The following FARS2 variants were observed in gnomAD, a reference collection of about 807,000 sequenced individuals.
FARS2 encodes phenylalanyl-tRNA synthetase 2, mitochondrial, also known as phenylalanine--tRNA ligase, mitochondrial.
In FARS2, 40 loss-of-function variants were observed where a neutral mutation model predicts 46.4. That is an observed-to-expected ratio of 0.86 (90% CI 0.67 to 1.12). FARS2 has a LOEUF of 1.12. Among genes scored for constraint, FARS2 ranks in the 50% most tolerant of loss-of-function variants. FARS2 has a pLI of 0.00. For missense variants in FARS2, 513 were observed against 567.9 expected (o/e 0.90, Z 0.98); for synonymous variants, 234 against 214.9 (o/e 1.09, Z -0.78).
At chr6:5,697,175 G>T (rs931476353) in intron 6 of FARS2, among the ~76,000 whole-genome samples, 1 of 151,882 alleles carries the variant, frequency 6.6e-6, no homozygotes, top group South Asian at 2.1e-4. Flanking sequence ...TTTTTAACAG[G>T]CTACAAATTT....
In FARS2 at chr6:5,717,935, T is replaced by TAGAGAGAGAGAGAGAGAGAGAGAG. The variant is rs546191530; in HGVS notation, c.1218-53355_1218-53354insGAGAGAGAGAGAGAGAGAGAGAGA. Among the ~76,000 whole-genome samples, 782 of 135,612 alleles carry TAGAGAGAGAGAGAGAGAGAGAGAG rather than the reference T, an allele frequency of 5.8e-3. 30 individuals carry two copies. The highest frequency in any genetic ancestry group is 0.022 in the African/African-American group (714 of 32,564). 89.0% of individuals were successfully genotyped at this position (135,612 alleles called of 152,430 possible). On this transcript the variant is annotated intron_variant, in intron 6 of 6. Transcript: ENST00000274680. ...ATATATATATATATATATATATATA[T>TAGAGAGAGAGAGAGAGAGAGAGAG]ACAGAGTCTCACTCTGTCGCCCAGG... is the stretch of plus-strand genomic sequence containing the variant.
intron 6 of FARS2, among the ~76,000 whole-genome samples, chr6:5,703,256 A>G (rs1447654709): frequency 1.3e-5 from 2 of 152,146 alleles, no homozygotes; most frequent in African/African-American, 2.4e-5. Context: ...AACAACTGGA[A>G]CCAAGCACAA....
chr6:5,387,538 A>G (rs17140358), intron 2 of FARS2, among the ~76,000 whole-genome samples: 27,134 of 152,210 alleles, frequency 0.18, 2,734 homozygotes, highest in East Asian at 0.42. Context: ...AGTGAGATAC[A>G]TGATTAGCAT....
intron 5 of FARS2, among the ~76,000 whole-genome samples, chr6:5,602,968 G>A (rs527854889): frequency 3.9e-5 from 6 of 152,244 alleles, no homozygotes; most frequent in South Asian, 2.1e-4. Flanking sequence ...ACAGTATGCT[G>A]TCTCCATTTT....
chr6:5,329,238 A>G (rs968467813), intron 1 of FARS2, among the ~76,000 whole-genome samples: 2 of 152,144 alleles, frequency 1.3e-5, no homozygotes, highest in Non-Finnish European at 2.9e-5. Flanking sequence ...TTTAAAGCTA[A>G]TGTAGCATAT....
chr6:5,546,157 C>T (rs1770972946), intron 5 of FARS2, among the ~76,000 whole-genome samples: 1 of 151,650 alleles, frequency 6.6e-6, no homozygotes, highest in Non-Finnish European at 1.5e-5. Flanking sequence ...AAATAGAGGT[C>T]CATAAACACA....
At chr6:5,325,784 A>G (rs1327439321) in intron 1 of FARS2, among the ~76,000 whole-genome samples, 1 of 152,212 alleles carries the variant, frequency 6.6e-6, no homozygotes, top group Non-Finnish European at 1.5e-5. Context: ...TGCAATATAT[A>G]TGATGGATAA....
At chr6:5,545,730 T>G (rs1217348809) in intron 5 of FARS2, among the ~76,000 whole-genome samples, 1 of 152,212 alleles carries the variant, frequency 6.6e-6, no homozygotes, top group Non-Finnish European at 1.5e-5. Context: ...TGTTTCTCTG[T>G]TAGTTTGCTG....
chr6:5,490,943 A>C (rs1561658865), intron 4 of FARS2, among the ~76,000 whole-genome samples: 1 of 152,364 alleles, frequency 6.6e-6, no homozygotes, highest in East Asian at 1.9e-4. Context: ...CTACTCAAGT[A>C]AACTGCTCTT....
chr6:5,728,547 A>T (rs1316838504), intron 6 of FARS2, among the ~76,000 whole-genome samples: 4 of 152,232 alleles, frequency 2.6e-5, no homozygotes, highest in Non-Finnish European at 5.9e-5. Context: ...GAACACACTC[A>T]CATGATTCTC....
At chr6:5,653,357 T>C (rs1409163885) in intron 6 of FARS2, among the ~76,000 whole-genome samples, 2 of 152,244 alleles carry the variant, frequency 1.3e-5, no homozygotes, top group African/African-American at 4.8e-5. Flanking sequence ...AGCTTTTCTA[T>C]GCAAACCCTA....
At chr6:5,292,688 G>C (rs1581707703) in intron 1 of FARS2, among the ~76,000 whole-genome samples, 1 of 152,182 alleles carries the variant, frequency 6.6e-6, no homozygotes, top group Admixed American at 6.5e-5. Flanking sequence ...TGCATAGACA[G>C]GTGCACCTGT....
At chr6:5,322,359 A>C (rs1770040296) in intron 1 of FARS2, among the ~76,000 whole-genome samples, 1 of 152,242 alleles carries the variant, frequency 6.6e-6, no homozygotes, top group Non-Finnish European at 1.5e-5. Flanking sequence ...AAACAAATTC[A>C]TGTTTGCCAA....
chr6:5,581,054 A>G (rs1773300911), intron 5 of FARS2, among the ~76,000 whole-genome samples: 1 of 152,234 alleles, frequency 6.6e-6, no homozygotes, highest in Non-Finnish European at 1.5e-5. Flanking sequence ...GACGAGGCCC[A>G]TGGTTGTTGT....
intron 1 of FARS2, among the ~76,000 whole-genome samples, chr6:5,295,890 G>T (rs965376437): frequency 6.6e-6 from 1 of 152,014 alleles, no homozygotes; most frequent in African/African-American, 2.4e-5. Context: ...CAGAGTCTAG[G>T]CAGTGAGCAT....
rs1428625375 is a variant in FARS2, at chr6:5,368,868, C to T, written c.298C>T (p.Gln100Ter). 6.2e-6 allele frequency: 10 copies of T among 1,614,166 alleles called. No homozygotes were observed. The highest frequency in any genetic ancestry group is 8.5e-6 in the Non-Finnish European group (10 of 1,180,020). Residue 100 changes from glutamine to a stop codon, truncating the protein, a stop_gained, in exon 2 of 7, where the codon CAG becomes TAG. Transcript: ENST00000274680. LOFTEE classifies it high-confidence loss of function. ...GAGGGTGAAGGAGCACTTCTACAAGCAGTATGTGGGCCGCTTTGGGACCCC... is the reference window on the plus strand; with the variant it reads ...GAGGGTGAAGGAGCACTTCTACAAGTAGTATGTGGGCCGCTTTGGGACCCC... Reference protein sequence around the residue: ...KERVKEHFYKQYVGRFGTPLF... With the variant: ...KERVKEHFYK
At chr6:5,648,429 GATGCTGCATGTCAGGGTT>G (rs966339619) in intron 6 of FARS2, among the ~76,000 whole-genome samples, 5 of 152,162 alleles carry the variant, frequency 3.3e-5, no homozygotes, top group Non-Finnish European at 7.3e-5. Flanking sequence ...CCCTACCTGG[GATGCTGCATGTCAGGGTT>G]CTCTGCATCC....
At chr6:5,327,545 A>C (rs1044031847) in intron 1 of FARS2, among the ~76,000 whole-genome samples, 8 of 152,276 alleles carry the variant, frequency 5.3e-5, no homozygotes, top group African/African-American at 1.9e-4. Flanking sequence ...TCCCCTGCAC[A>C]CACTCTCTTG....
chr6:5,261,731 C>G (rs535779508), intron 1 of FARS2, 71 bp downstream of exon 1: 1 of 152,272 alleles, frequency 6.6e-6, no homozygotes, highest in Non-Finnish European at 1.5e-5. Context: ...TTACATTGGC[C>G]GTGGATTTTT....
Sources: gnomAD v4.1 joint callset for allele counts (sites outside exome capture counted in the v4.1 genomes callset) on GRCh38, gnomAD v4.1.1 for gene constraint, MANE v1.5 for transcripts, NCBI Gene and HGNC (gene_info 2026-07-23, HGNC 2026-07-21) for gene names.